Variants in APBB1IP observed in about 807,000 individuals in gnomAD.
APBB1IP encodes amyloid beta precursor protein binding family B member 1 interacting protein.
APBB1IP carries 27 observed loss-of-function variants against 64.9 expected under a neutral mutation model. That is an observed-to-expected ratio of 0.42 (90% confidence interval 0.31 to 0.57). The LOEUF (loss-of-function observed/expected upper bound fraction) is 0.57, where lower values mean the gene tolerates loss of function less well. Ranked by LOEUF, APBB1IP falls within the 20% of genes least tolerant of loss-of-function variation. APBB1IP has a pLI of 0.20. For synonymous variants in APBB1IP, 392 were observed against 331.0 expected (o/e 1.18, Z -2.00); for missense variants, 812 against 845.5 (o/e 0.96, Z 0.49).
At chr10:26,539,888 A>G (rs1158486080) in intron 10 of APBB1IP, among the ~76,000 whole-genome samples, 1 of 152,234 alleles carries the variant, frequency 6.6e-6, no homozygotes, top group Non-Finnish European at 1.5e-5. Flanking sequence ...GGAAATGAAA[A>G]TTAAGCATGA....
chr10:26,531,771 C>T (rs1226121476), intron 8 of APBB1IP, among the ~76,000 whole-genome samples: 9 of 151,978 alleles, frequency 5.9e-5, no homozygotes, highest in African/African-American at 2.2e-4. Flanking sequence ...CCTTTCTGTC[C>T]AGTACACTTG....
intron 2 of APBB1IP, among the ~76,000 whole-genome samples, chr10:26,445,014 C>T (rs1835376163): frequency 6.6e-6 from 1 of 151,304 alleles, no homozygotes; most frequent in African/African-American, 2.4e-5. Flanking sequence ...AGGAGAATCG[C>T]TTGAACCCAG....
At chr10:26,496,021 T>G (rs1836019829) in intron 3 of APBB1IP, among the ~76,000 whole-genome samples, 1 of 146,806 alleles carries the variant, frequency 6.8e-6, no homozygotes, top group African/African-American at 2.5e-5. Flanking sequence ...TGTTCACCAT[T>G]ACAAGAAATT....
At chr10:26,566,685 A>AG (rs1279555434) in intron 14 of APBB1IP, among the ~76,000 whole-genome samples, 1 of 152,080 alleles carries the variant, frequency 6.6e-6, no homozygotes, top group Non-Finnish European at 1.5e-5. Context: ...GAGGCTCCCC[A>AG]GGGGGCGGAC....
At chr10:26,450,337 C>T (rs1835451423) in intron 2 of APBB1IP, among the ~76,000 whole-genome samples, 1 of 152,144 alleles carries the variant, frequency 6.6e-6, no homozygotes, top group Non-Finnish European at 1.5e-5. Flanking sequence ...CTAGAAGTTA[C>T]CATTGAAAAC....
At chr10:26,559,722 A>C (rs1836942672) in intron 11 of APBB1IP, among the ~76,000 whole-genome samples, 1 of 151,518 alleles carries the variant, frequency 6.6e-6, no homozygotes, top group African/African-American at 2.4e-5. Context: ...CCCAGGTTCA[A>C]GCAATTCTCC....
intron 8 of APBB1IP, among the ~76,000 whole-genome samples, chr10:26,515,454 C>T (rs1454644559): frequency 1.3e-5 from 2 of 152,108 alleles, no homozygotes; most frequent in South Asian, 2.1e-4. Context: ...TTTATGCTTC[C>T]ATCCCATTGG....
chr10:26,553,337 A>G (rs1836856193), intron 11 of APBB1IP, among the ~76,000 whole-genome samples: 1 of 151,588 alleles, frequency 6.6e-6, no homozygotes, highest in Non-Finnish European at 1.5e-5. Context: ...TTATTCTCAT[A>G]GTTTAATTCA....
chr10:26,558,168 C>CACACACAT lies in APBB1IP; in HGVS notation c.1156-1937_1156-1936insACACACAT, dbSNP rs398013062. ...ACACACACACACACACACACACACA[C>CACACACAT]GATGCTTGTGGTTAATTATTTTTCT... On this transcript the variant is annotated intron_variant, in intron 11 of 14. Transcript: ENST00000376236. 3.8e-4 allele frequency among the ~76,000 whole-genome samples: 57 copies of CACACACAT among 150,530 alleles called. 1 individual carries two copies. The highest frequency in any genetic ancestry group is 3.6e-3 in the East Asian group (18 of 5,060).
At chr10:26,501,667 G>A (rs1588589771) in intron 5 of APBB1IP, 1 of 154,128 alleles carries the variant, frequency 6.5e-6, no homozygotes, top group South Asian at 2.0e-4. Context: ...CAGACAACTG[G>A]AAAGTTTAAA....
intron 11 of APBB1IP, among the ~76,000 whole-genome samples, chr10:26,553,022 C>CT (rs200846164): frequency 6.8e-6 from 1 of 147,966 alleles, no homozygotes; most frequent in South Asian, 2.2e-4. Context: ...ATGTCCTCAA[C>CT]TTTTTTTTTC....
intron 8 of APBB1IP, among the ~76,000 whole-genome samples, chr10:26,521,656 C>T (rs372646195): frequency 7.2e-5 from 11 of 152,182 alleles, no homozygotes; most frequent in African/African-American, 1.4e-4. Context: ...TCTGTGCTTG[C>T]GTAACCCTAG....
intron 8 of APBB1IP, among the ~76,000 whole-genome samples, chr10:26,524,955 C>T (rs77698469): frequency 4.7e-4 from 35 of 73,940 alleles, no homozygotes; most frequent in Middle Eastern, 7.8e-3. Flanking sequence ...TTCTTTCTTT[C>T]TTTTTTTTTT....
intron 2 of APBB1IP, among the ~76,000 whole-genome samples, chr10:26,467,570 A>G (rs2783352): frequency 0.11 from 16,747 of 152,174 alleles, 1,134 homozygotes; most frequent in East Asian, 0.16. Context: ...GTGCACACCT[A>G]TAGTCCCAGT....
intron 11 of APBB1IP, among the ~76,000 whole-genome samples, chr10:26,545,820 C>T (rs1310608364): frequency 2.7e-5 from 4 of 148,452 alleles, no homozygotes; most frequent in African/African-American, 7.5e-5. Flanking sequence ...CGTGGTGGCA[C>T]GCGCCTGTAA....
At chr10:26,465,742 T>C (rs151088703) in intron 2 of APBB1IP, among the ~76,000 whole-genome samples, 101 of 152,352 alleles carry the variant, frequency 6.6e-4, no homozygotes, top group African/African-American at 2.4e-3. Context: ...TGTCCTTGTG[T>C]GATACCTATC....
At chr10:26,527,287 C>A (rs1486198512) in intron 8 of APBB1IP, among the ~76,000 whole-genome samples, 1 of 152,152 alleles carries the variant, frequency 6.6e-6, no homozygotes, top group African/African-American at 2.4e-5. Context: ...GTGGCTCACA[C>A]CTGTAATCCC....
chr10:26,443,559 C>CATTT (rs1835360094), intron 2 of APBB1IP, among the ~76,000 whole-genome samples: 1 of 152,052 alleles, frequency 6.6e-6, no homozygotes, highest in Non-Finnish European at 1.5e-5. Flanking sequence ...TTCATTCATT[C>CATTT]ATTTTTGAGA....
chr10:26,532,225 G>A (rs573930791), intron 8 of APBB1IP, among the ~76,000 whole-genome samples: 36 of 152,176 alleles, frequency 2.4e-4, no homozygotes, highest in African/African-American at 8.4e-4. Context: ...GTATTATTTT[G>A]TAAAACTCCG....
Sources: allele counts gnomAD v4.1 joint callset (sites outside exome capture counted in the v4.1 genomes callset), GRCh38; gene constraint gnomAD v4.1.1; transcripts MANE v1.5; gene names NCBI Gene and HGNC (gene_info 2026-07-23, HGNC 2026-07-21).